Variants in STIM1 observed in about 807,000 individuals in gnomAD.
STIM1 encodes stromal interaction molecule 1.
STIM1 carries 25 observed loss-of-function variants against 74.7 expected under a neutral mutation model. The ratio of observed to expected loss-of-function variants is 0.33; its 90% confidence interval spans 0.24 to 0.47. STIM1 has a LOEUF of 0.47. STIM1 is among the 20% of genes least tolerant of loss of function. The pLI, the probability that STIM1 is intolerant of heterozygous loss-of-function variation, is 1.00. For missense variants in STIM1, 728 were observed against 920.8 expected (o/e 0.79, Z 2.71); for synonymous variants, 328 against 348.8 (o/e 0.94, Z 0.66).
Position 4,053,502 on chromosome 11 carries a change from G to A in STIM1, c.386-2024G>A, listed in dbSNP as rs551070647. On this transcript the variant is annotated intron_variant, in intron 3 of 12. Coordinates refer to ENST00000526596, the MANE Select transcript of STIM1 (RefSeq NM_001382567.1). ...AAGAACAAAAAACCAAACACCGCATGTTCTCACTCATAGGTGGGAATTGAA... is the reference window on the plus strand; with the variant it reads ...AAGAACAAAAAACCAAACACCGCATATTCTCACTCATAGGTGGGAATTGAA... Among the ~76,000 whole-genome samples the A allele has an allele frequency of 1.2e-3, 174 of 150,056 alleles. 1 individual carries two copies. The highest frequency in any genetic ancestry group is 4.1e-3 in the African/African-American group (165 of 40,740).
intron 1 of STIM1, among the ~76,000 whole-genome samples, chr11:3,899,595 A>C (rs1379309415): frequency 4.0e-5 from 6 of 150,488 alleles, no homozygotes; most frequent in Middle Eastern, 3.6e-3. Context: ...GTCTTGTGCC[A>C]GTTTTCAAAG....
intron 1 of STIM1, among the ~76,000 whole-genome samples, chr11:3,894,707 A>G (rs1157109311): frequency 6.6e-6 from 1 of 152,058 alleles, no homozygotes; most frequent in Non-Finnish European, 1.5e-5. Context: ...AGGACAAAGA[A>G]TGAAGGGTAT....
chr11:3,961,064 G>A (rs138068629), intron 1 of STIM1, among the ~76,000 whole-genome samples: 25 of 151,778 alleles, frequency 1.6e-4, no homozygotes, highest in Non-Finnish European at 3.1e-4. Flanking sequence ...GTGCAGTGGT[G>A]CAATCACAGC....
intron 1 of STIM1, among the ~76,000 whole-genome samples, chr11:3,910,474 G>T (rs1485256255): frequency 1.3e-5 from 2 of 152,142 alleles, no homozygotes; most frequent in African/African-American, 4.8e-5. Flanking sequence ...CCTGCTTGCA[G>T]TCCCAGCTAC....
chr11:4,035,452 T>A (rs2094091127), intron 3 of STIM1, among the ~76,000 whole-genome samples: 1 of 152,120 alleles, frequency 6.6e-6, no homozygotes, highest in Admixed American at 6.5e-5. Flanking sequence ...GCCCTGGAAA[T>A]GCATACCTTT....
intron 1 of STIM1, among the ~76,000 whole-genome samples, chr11:3,858,688 G>A (rs1418989059): frequency 1.3e-5 from 2 of 152,180 alleles, no homozygotes; most frequent in Non-Finnish European, 2.9e-5. Context: ...TGTATCCCCA[G>A]AACACAGGAG....
chr11:4,053,005 G>A (rs1297802511), intron 3 of STIM1, among the ~76,000 whole-genome samples: 2 of 152,206 alleles, frequency 1.3e-5, no homozygotes, highest in East Asian at 3.8e-4. Context: ...GGCCATCAGA[G>A]AAATGCAAAT....
rs142803341 is a variant in STIM1 at position 4,005,439 on chromosome 11, A to G, written c.271-18434A>G. ...GTTCATCTCCTTTGTAGGGACATGG[A>G]TGAAATTGGAAATCATCATTCTCAG... On this transcript the variant is annotated intron_variant, in intron 2 of 12. Transcript: ENST00000526596. Among the ~76,000 whole-genome samples the G allele has an allele frequency of 6.9e-3, 1,046 of 152,212 alleles. 7 individuals carry two copies. The highest frequency in any genetic ancestry group is 0.024 in the African/African-American group (986 of 41,514).
chr11:4,059,703 A>C (rs1355356799), intron 5 of STIM1, among the ~76,000 whole-genome samples: 2 of 152,194 alleles, frequency 1.3e-5, no homozygotes, highest in African/African-American at 4.8e-5. Context: ...AGAGGTACAC[A>C]GTACTTCTGA....
intron 1 of STIM1, among the ~76,000 whole-genome samples, chr11:3,936,085 C>T (rs1027202146): frequency 2.6e-5 from 4 of 152,126 alleles, no homozygotes; most frequent in Admixed American, 1.3e-4. Flanking sequence ...TATATGCCTG[C>T]GTAACCTCTC....
At chr11:3,915,206 G>T (rs934405099) in intron 1 of STIM1, among the ~76,000 whole-genome samples, 24 of 152,098 alleles carry the variant, frequency 1.6e-4, no homozygotes, top group African/African-American at 5.5e-4. Flanking sequence ...CATTCTATAG[G>T]TTGATTTTTC....
intron 1 of STIM1, among the ~76,000 whole-genome samples, chr11:3,954,956 A>G (rs1197626566): frequency 2.6e-5 from 4 of 152,386 alleles, no homozygotes; most frequent in East Asian, 1.9e-4. Context: ...ATGAATACTC[A>G]TAATAGCTTT....
At chr11:4,049,400 T>C (rs1256335922) in intron 3 of STIM1, 1 of 150,966 alleles carries the variant, frequency 6.6e-6, no homozygotes, top group Non-Finnish European at 1.5e-5. Context: ...TCGCGGCTTA[T>C]TGCAACCTCG....
At chr11:4,053,354 G>A (rs2094259458) in intron 3 of STIM1, among the ~76,000 whole-genome samples, 1 of 152,158 alleles carries the variant, frequency 6.6e-6, no homozygotes, top group Non-Finnish European at 1.5e-5. Context: ...ACGATAGATT[G>A]GATTAAGAAG....
chr11:4,056,242 G>T (rs558883813), intron 4 of STIM1, among the ~76,000 whole-genome samples: 1 of 152,186 alleles, frequency 6.6e-6, no homozygotes, highest in Non-Finnish European at 1.5e-5. Context: ...TCATCTCTGG[G>T]ATGGCTCCAA....
At chr11:3,954,467 G>A (rs2093187133) in intron 1 of STIM1, among the ~76,000 whole-genome samples, 1 of 152,202 alleles carries the variant, frequency 6.6e-6, no homozygotes. Context: ...CCACTATGGA[G>A]CTTTCAATTT....
At chr11:3,867,846 A>G (rs1273569931) in intron 1 of STIM1, among the ~76,000 whole-genome samples, 1 of 140,244 alleles carries the variant, frequency 7.1e-6, no homozygotes, top group Non-Finnish European at 1.6e-5. Context: ...TCTCACTGGC[A>G]GGCAGGCAGG....
chr11:4,041,170 T>C (rs560478620), intron 3 of STIM1, among the ~76,000 whole-genome samples: 2 of 152,350 alleles, frequency 1.3e-5, no homozygotes, highest in South Asian at 4.1e-4. Flanking sequence ...TCTGATTCTG[T>C]CAGTCACTCC....
intron 1 of STIM1, among the ~76,000 whole-genome samples, chr11:3,915,295 G>T (rs189922106): frequency 5.3e-5 from 8 of 151,970 alleles, no homozygotes; most frequent in African/African-American, 1.9e-4. Context: ...TTGCTATGTT[G>T]CCCAGGTGCA....
Sources: gnomAD v4.1 joint callset for allele counts (sites outside exome capture counted in the v4.1 genomes callset) on GRCh38, gnomAD v4.1.1 for gene constraint, MANE v1.5 for transcripts, NCBI Gene and HGNC (gene_info 2026-07-23, HGNC 2026-07-21) for gene names.